The following KMT2C variants were observed in gnomAD, a reference collection of about 807,000 sequenced individuals.
KMT2C encodes lysine methyltransferase 2C.
Under a neutral mutation model 507.9 loss-of-function variants are expected in KMT2C, and 88 were observed. The ratio of observed to expected loss-of-function variants is 0.17; its 90% CI spans 0.15 to 0.21. The LOEUF is 0.21. KMT2C is among the 10% of genes least tolerant of loss of function. The probability of loss-of-function intolerance (pLI) is 1.00; values close to 1 mark genes in which losing one functional copy is unlikely to be tolerated. For missense variants in KMT2C, 4,954 were observed against 5,957.8 expected, an observed-to-expected ratio of 0.83 and a Z score of 5.55; for synonymous variants, 2,049 against 2,080.8, an observed-to-expected ratio of 0.98 and a Z score of 0.42.
chr7:152,314,317 C>T (rs1342203773), intron 4 of KMT2C, among the ~76,000 whole-genome samples: 1 of 151,980 alleles, frequency 6.6e-6, no homozygotes, highest in Admixed American at 6.6e-5. Context: ...ACATCATAAC[C>T]CTCAAGAGGC....
intron 2 of KMT2C, among the ~76,000 whole-genome samples, chr7:152,354,816 G>C (rs1443086077): frequency 3.3e-5 from 5 of 152,160 alleles, no homozygotes; most frequent in Non-Finnish European, 5.9e-5. Context: ...GCCAAAGTCA[G>C]ATCAATGGAG....
In KMT2C at chr7:152,281,073, C is replaced by T. The variant is rs576465103; in HGVS notation, c.850-7206G>A. Reference sequence around the variant, plus strand: ...TGTAACAACATACATAAATTATAAACCCTGAAGAAATAGGTCCCTAATAGC... The same window carrying T: ...TGTAACAACATACATAAATTATAAATCCTGAAGAAATAGGTCCCTAATAGC... On this transcript the variant is annotated intron_variant, in intron 6 of 58. Transcript: ENST00000262189. 1.5e-3 allele frequency among the ~76,000 whole-genome samples: 222 copies of T among 152,132 alleles called. 1 individual carries two copies. The highest frequency in any genetic ancestry group is 5.1e-3 in the African/African-American group (210 of 41,490).
rs146648478 is a variant in KMT2C, at chr7:152,180,371, G to C, written c.7150-245C>G. 4.7e-4 allele frequency among the ~76,000 whole-genome samples: 72 copies of C among 152,160 alleles called. 1 individual carries two copies. Among genetic ancestry groups the C allele is most frequent in the Admixed American group, 1.9e-3 (29 of 15,282 alleles). The stretch of plus-strand genomic sequence containing the variant: ...ACTTTCATTATGTGGCTATGGTAAT[G>C]TTTCAAAGTTTGATGAAATACCAGT... On this transcript the variant is annotated intron_variant, in intron 36 of 58. Transcript: ENST00000262189.
intron 26 of KMT2C, among the ~76,000 whole-genome samples, chr7:152,201,665 A>AT (rs950143656): frequency 6.1e-5 from 9 of 148,416 alleles, no homozygotes; most frequent in Admixed American, 2.7e-4. Flanking sequence ...CTATAAATGG[A>AT]TTTTTTTTCC....
chr7:152,433,217 T>C (rs1474288809), intron 1 of KMT2C, among the ~76,000 whole-genome samples: 2 of 152,180 alleles, frequency 1.3e-5, no homozygotes, highest in Non-Finnish European at 2.9e-5. Context: ...TAAGTAACAT[T>C]AGCAACTTAA....
chr7:152,363,168 A>G (rs1038026008), intron 1 of KMT2C, among the ~76,000 whole-genome samples: 1 of 152,188 alleles, frequency 6.6e-6, no homozygotes, highest in African/African-American at 2.4e-5. Context: ...AGATATTTCC[A>G]GTTTCAGTTT....
chr7:152,244,004 C>T, intron 14 of KMT2C, among the ~76,000 whole-genome samples: 1 of 152,086 alleles, frequency 6.6e-6, no homozygotes, highest in East Asian at 1.9e-4. Context: ...AGATTATTAT[C>T]TCAGAATTTC....
intron 31 of KMT2C, among the ~76,000 whole-genome samples, chr7:152,193,645 G>A (rs1276908925): frequency 2.0e-5 from 3 of 152,172 alleles, no homozygotes; most frequent in Non-Finnish European, 4.4e-5. Context: ...ACCGAGGGCA[G>A]ATCAATGAGT....
chr7:152,329,289 G>C (rs1433126268), intron 3 of KMT2C, among the ~76,000 whole-genome samples: 1 of 152,128 alleles, frequency 6.6e-6, no homozygotes, highest in Non-Finnish European at 1.5e-5. Flanking sequence ...GAGAGGTCAG[G>C]TGCAGTGGTT....
chr7:152,165,514 G>A (rs1030930408), intron 42 of KMT2C, among the ~76,000 whole-genome samples: 2 of 152,104 alleles, frequency 1.3e-5, no homozygotes, highest in African/African-American at 2.4e-5. Context: ...AAAGAGAAAA[G>A]AAACCTTTCA....
At chr7:152,159,853 G>GA (rs1284632636) in intron 43 of KMT2C, among the ~76,000 whole-genome samples, 1 of 152,182 alleles carries the variant, frequency 6.6e-6, no homozygotes, top group Non-Finnish European at 1.5e-5. Context: ...TATAGTAGCT[G>GA]AACTTACTGT....
chr7:152,334,185 G>C (rs1436261976), intron 2 of KMT2C, among the ~76,000 whole-genome samples: 1 of 152,244 alleles, frequency 6.6e-6, no homozygotes, highest in Non-Finnish European at 1.5e-5. Context: ...GCCGGGTGCG[G>C]TGGCTCACGC....
chr7:152,211,769 C>G (rs1007878162), intron 23 of KMT2C, among the ~76,000 whole-genome samples: 1 of 152,218 alleles, frequency 6.6e-6, no homozygotes, highest in Non-Finnish European at 1.5e-5. Context: ...ACCGTATCGG[C>G]CAGGCACGGT....
chr7:152,199,088 A>G (rs2094051299), intron 27 of KMT2C, among the ~76,000 whole-genome samples, 191 bp downstream of exon 27: 1 of 152,198 alleles, frequency 6.6e-6, no homozygotes, highest in Admixed American at 6.5e-5. Context: ...TACACAGGTA[A>G]ATTAATTTGC....
intron 6 of KMT2C, among the ~76,000 whole-genome samples, chr7:152,281,343 A>G (rs2096204514): frequency 6.6e-6 from 1 of 152,228 alleles, no homozygotes; most frequent in African/African-American, 2.4e-5. Context: ...TTTAAGGAAG[A>G]CATAAGTTAG....
chr7:152,374,001 C>T (rs777380503), intron 1 of KMT2C, among the ~76,000 whole-genome samples: 21 of 151,830 alleles, frequency 1.4e-4, no homozygotes, highest in Non-Finnish European at 2.6e-4. Context: ...TCAGGGAAAT[C>T]GAACAATGAT....
intron 6 of KMT2C, among the ~76,000 whole-genome samples, chr7:152,304,855 C>T (rs186776199): frequency 6.6e-6 from 1 of 152,226 alleles, no homozygotes; most frequent in Admixed American, 6.5e-5. Context: ...TCAGCAAAAT[C>T]GACCTTTTGG....
chr7:152,139,541 T>C lies in KMT2C; in HGVS notation c.14460+134A>G, dbSNP rs1003090725. 6 of 678,160 alleles carry C rather than the reference T, an allele frequency of 8.8e-6. No individual in the cohort carries two copies. The Admixed American group carries it at 1.0e-4, about 12-fold the overall frequency. The allele number at this position is 678,160 out of a possible 1,614,324, so 42.0% of individuals were successfully genotyped here. A position where few individuals can be genotyped will look rare whatever the true frequency, so the allele number is the denominator to read the frequency against. ...TACAACTGATAAAAATACACTAATA[T>C]ACAGATATGGCTTTTGTTTAAAGCT... is the stretch of plus-strand genomic sequence containing the variant. On this transcript the variant is annotated intron_variant, in intron 56 of 58. Coordinates refer to ENST00000262189, the MANE Select transcript of KMT2C (RefSeq NM_170606.3).
intron 23 of KMT2C, among the ~76,000 whole-genome samples, chr7:152,213,477 C>T (rs572017952): frequency 1.3e-5 from 2 of 152,108 alleles, no homozygotes; most frequent in African/African-American, 4.8e-5. Flanking sequence ...ATGGTGTCTT[C>T]AATAAGTAGT....
Sources: allele counts gnomAD v4.1 joint callset (sites outside exome capture counted in the v4.1 genomes callset), GRCh38; gene constraint gnomAD v4.1.1; transcripts MANE v1.5; gene names NCBI Gene and HGNC (gene_info 2026-07-23, HGNC 2026-07-21).